Variants in SDCBP2 observed in about 807,000 individuals in gnomAD.
SDCBP2 encodes the protein syntenin-2.
In SDCBP2, 28 loss-of-function variants were observed where a neutral mutation model predicts 30.7. That is an observed-to-expected ratio of 0.91 (90% CI 0.68 to 1.25). The LOEUF is 1.25. Ranked by LOEUF, SDCBP2 falls within the 50% of genes most tolerant of loss-of-function variation. The probability of loss-of-function intolerance (pLI) is 0.00; values close to 1 mark genes in which losing one functional copy is unlikely to be tolerated. For synonymous variants in SDCBP2, 166 were observed against 157.3 expected (o/e 1.06, Z -0.41); for missense variants, 399 against 379.0 (o/e 1.05, Z -0.44).
intron 1 of SDCBP2, chr20:1,323,628 C>CA (rs1275701936): frequency 6.6e-6 from 1 of 152,146 alleles, no homozygotes; most frequent in Non-Finnish European, 1.5e-5. Flanking sequence ...GGTTCCAGGA[C>CA]AATGCCCCTC....
chr20:1,312,500 T>C lies in SDCBP2; in HGVS notation c.569A>G (p.Gln190Arg). Reference protein sequence around the residue: ...IVVVVRDRPFQRTVTMHKDSM... With the variant: ...IVVVVRDRPFRRTVTMHKDSM... The stretch of plus-strand genomic sequence containing the variant: ...GTCCTTGTGCATGGTGACAGTCCGC[T>C]GGAACGGCCTGGCAGGAGGGACAGT... The change falls in exon 7 of 9, where the codon CAG becomes CGG. Residue 190 changes from glutamine to arginine, a missense_variant. Coordinates refer to ENST00000360779, the MANE Select transcript of SDCBP2 (RefSeq NM_080489.5). 6.2e-7 allele frequency: 1 copy of C among 1,614,178 alleles called. No individual in the cohort carries two copies. Among genetic ancestry groups the C allele is most frequent in the Non-Finnish European group, 8.5e-7 (1 of 1,180,010 alleles).
intron 1 of SDCBP2, among the ~76,000 whole-genome samples, chr20:1,326,542 A>C (rs1008443429): frequency 2.6e-5 from 4 of 152,186 alleles, no homozygotes; most frequent in African/African-American, 9.7e-5. Flanking sequence ...AGAGTCATTC[A>C]TGCCTTCTCT....
intron 1 of SDCBP2, among the ~76,000 whole-genome samples, chr20:1,326,831 A>C (rs1333529966): frequency 6.6e-6 from 1 of 152,254 alleles, no homozygotes; most frequent in Non-Finnish European, 1.5e-5. Flanking sequence ...AGTGCCTGGC[A>C]CACAACAGGC....
rs997584683 is a variant in SDCBP2 at position 1,313,295 on chromosome 20, G to T, written c.384+45C>A. The T allele has an allele frequency of 1.3e-6, 2 of 1,574,522 alleles. No individual in the cohort carries two copies. The highest frequency in any genetic ancestry group is 1.7e-6 in the Non-Finnish European group (2 of 1,155,664). On this transcript the variant is annotated intron_variant, in intron 5 of 8. Coordinates refer to ENST00000360779, the MANE Select transcript of SDCBP2 (RefSeq NM_080489.5). The surrounding 1 kb of genome is among the most constrained non-coding windows in gnomAD (Gnocchi z 5.2). ...GAGCTCTGAGGCCTGGCGGGAGAGC[G>T]CGTGCAGCTCGAGCTCCTCTTCCCA...
intron 1 of SDCBP2, chr20:1,322,836 GT>G (rs2088866323): frequency 6.6e-6 from 1 of 152,212 alleles, no homozygotes; most frequent in Admixed American, 6.5e-5. Context: ...CCCCCAAAGT[GT>G]TGGGATTACA....
At chr20:1,325,922 A>G (rs987109455) in intron 1 of SDCBP2, 1 of 152,016 alleles carries the variant, frequency 6.6e-6, no homozygotes, top group Non-Finnish European at 1.5e-5. Context: ...CCCACCCACC[A>G]GTGACTGAGT....
At position 1,313,327 on chromosome 20, in the gene SDCBP2, C is replaced by G; in HGVS notation, c.384+13G>C. Reference sequence around the variant, plus strand: ...GCTCGAGCTCCTCTTCCCACCCAGCCCCCGCGCCCTACCTGGTCGACCTTC... The same window carrying G: ...GCTCGAGCTCCTCTTCCCACCCAGCGCCCGCGCCCTACCTGGTCGACCTTC... On this transcript the variant is annotated intron_variant, in intron 5 of 8. Coordinates refer to ENST00000360779, the MANE Select transcript of SDCBP2 (RefSeq NM_080489.5). This position sits in a 1 kb window ranked among gnomAD's most constrained non-coding sequence, Gnocchi z 5.2. The G allele has an allele frequency of 6.2e-7, 1 of 1,609,510 alleles. No homozygotes were observed. Among genetic ancestry groups the G allele is most frequent in the East Asian group, 2.2e-5 (1 of 44,796 alleles).
In SDCBP2 at chr20:1,313,852, G is replaced by A. The variant is rs1422404095; in HGVS notation, c.226-354C>T. On this transcript the variant is annotated intron_variant, in intron 4 of 8. Transcript: ENST00000360779. This position sits in a 1 kb window ranked among gnomAD's most constrained non-coding sequence, Gnocchi z 5.2. Reference sequence around the variant, plus strand: ...AATAGTGAGCAACAGGGGATAAAAGGACTGGATTTTTGTCTTGAGAAAAAT... The same window carrying A: ...AATAGTGAGCAACAGGGGATAAAAGAACTGGATTTTTGTCTTGAGAAAAAT... 1.3e-5 allele frequency among the ~76,000 whole-genome samples: 2 copies of A among 152,124 alleles called. No individual in the cohort carries two copies. Among genetic ancestry groups the A allele is most frequent in the Non-Finnish European group, 1.5e-5 (1 of 68,024 alleles).
At chr20:1,316,176 T>C (rs1237172073) in intron 4 of SDCBP2, among the ~76,000 whole-genome samples, 5 of 152,228 alleles carry the variant, frequency 3.3e-5, no homozygotes, top group South Asian at 4.2e-4. Context: ...CCGGAAAGAA[T>C]ATACAGATGG....
Position 1,312,598 on chromosome 20 carries a change from C to T in SDCBP2, c.549G>A (p.Val183=), listed in dbSNP as rs958172790. ...KKASGDKIVV[V]VRDRPFQRTV... ...GCCTGGCTACTCACCTGTCCCGAACCACCACGACAATCTTATCGCCTGATG... is the reference window on the plus strand; with the variant it reads ...GCCTGGCTACTCACCTGTCCCGAACTACCACGACAATCTTATCGCCTGATG... The change falls in exon 6 of 9, where the codon GTG becomes GTA. Residue 183 remains valine, a synonymous_variant. Transcript: ENST00000360779. 12 of 1,613,962 alleles carry T rather than the reference C, an allele frequency of 7.4e-6. No individual in the cohort carries two copies. In the African/African-American group the frequency reaches 1.3e-4, roughly 18 times the overall value.
intron 1 of SDCBP2, among the ~76,000 whole-genome samples, chr20:1,325,074 C>T (rs2088900055): frequency 6.6e-6 from 1 of 152,196 alleles, no homozygotes; most frequent in African/African-American, 2.4e-5. Context: ...TTCCCTCTGT[C>T]TCAATTTCCT....
chr20:1,324,523 A>C lies in SDCBP2; in HGVS notation c.-19-4088T>G, dbSNP rs945147908. ...CATAACAAATGGTCCTGTCCCGCAC[A>C]ACTTTCAGATATCCTGCCAAACTTT... On this transcript the variant is annotated intron_variant, in intron 1 of 8. Transcript: ENST00000360779. This position sits in a 1 kb window ranked among gnomAD's most constrained non-coding sequence, Gnocchi z 4.7. Among the ~76,000 whole-genome samples, 2 of 152,182 alleles carry C rather than the reference A, an allele frequency of 1.3e-5. No homozygotes were observed. Among genetic ancestry groups the C allele is most frequent in the African/African-American group, 2.4e-5 (1 of 41,436 alleles).
chr20:1,311,554 C>T (rs975635494), intron 7 of SDCBP2, among the ~76,000 whole-genome samples: 7 of 152,194 alleles, frequency 4.6e-5, no homozygotes, highest in Non-Finnish European at 7.3e-5. Flanking sequence ...TTACATTACA[C>T]ATGTATGTTA....
chr20:1,310,580 T>A (rs2088647600), intron 8 of SDCBP2, 85 bp from the exon 9 acceptor site: 1 of 1,333,552 alleles, frequency 7.5e-7, no homozygotes, highest in African/African-American at 1.4e-5. Context: ...AGCCAGTGCA[T>A]CCCATGTGGG....
intron 1 of SDCBP2, chr20:1,323,517 C>T (rs2088876040): frequency 6.6e-6 from 1 of 152,300 alleles, no homozygotes; most frequent in East Asian, 1.9e-4. Flanking sequence ...AACCCTTTTT[C>T]TGTGTCTGAG....
chr20:1,325,486 C>G (rs1308145958), intron 1 of SDCBP2: 1 of 152,236 alleles, frequency 6.6e-6, no homozygotes, highest in Non-Finnish European at 1.5e-5. Context: ...CGTGCTTTCT[C>G]CGGGCGCCCG....
chr20:1,319,410 CA>C, intron 3 of SDCBP2, 179 bp downstream of exon 3: 1 of 649,700 alleles, frequency 1.5e-6, no homozygotes, highest in Non-Finnish European at 2.7e-6. Context: ...TGAGGTGACT[CA>C]GCCCAGGTCA....
chr20:1,320,472 A>T lies in SDCBP2; in HGVS notation c.-19-37T>A. Reference sequence around the variant, plus strand: ...AGAGGGTGGGGAAGGATAAGGATGCAGCTGATGCCCCCTTGAAAGGAGGCA... The same window carrying T: ...AGAGGGTGGGGAAGGATAAGGATGCTGCTGATGCCCCCTTGAAAGGAGGCA... On this transcript the variant is annotated intron_variant, in intron 1 of 8. Coordinates refer to ENST00000360779, the MANE Select transcript of SDCBP2 (RefSeq NM_080489.5). The surrounding 1 kb of genome is among the most constrained non-coding windows in gnomAD (Gnocchi z 4.7). 2 of 1,519,934 alleles carry T rather than the reference A, an allele frequency of 1.3e-6. No individual in the cohort carries two copies. Among genetic ancestry groups the T allele is most frequent in the Non-Finnish European group, 9.0e-7 (1 of 1,106,890 alleles). 94.2% of individuals were successfully genotyped at this position (1,519,934 alleles called of 1,614,324 possible). A position where few individuals can be genotyped will look rare whatever the true frequency, so the allele number is the denominator to read the frequency against.
Position 1,313,725 on chromosome 20 carries a change from G to C in SDCBP2, c.226-227C>G, listed in dbSNP as rs113992115. Reference sequence around the variant, plus strand: ...TTAAAAAGCCAGGAAAACGGGGAGGGAAGGGGCGAGGATACAGGAAGAGGC... The same window carrying C: ...TTAAAAAGCCAGGAAAACGGGGAGGCAAGGGGCGAGGATACAGGAAGAGGC... On this transcript the variant is annotated intron_variant, in intron 4 of 8. Transcript: ENST00000360779. The surrounding 1 kb of genome is among the most constrained non-coding windows in gnomAD (Gnocchi z 5.2). The C allele has an allele frequency of 1.0e-3, 1,247 of 1,233,638 alleles. 9 individuals carry two copies. The African/African-American group carries it at 0.018, about 17-fold the overall frequency. The allele number at this position is 1,233,638 out of a possible 1,614,324, so 76.4% of individuals were successfully genotyped here.
Sources: allele counts gnomAD v4.1 joint callset (sites outside exome capture counted in the v4.1 genomes callset), GRCh38; gene constraint gnomAD v4.1.1; non-coding constraint Gnocchi (gnomAD v3.1); transcripts MANE v1.5; gene names NCBI Gene and HGNC (gene_info 2026-07-23, HGNC 2026-07-21).